Variants in TUBGCP2 observed in about 807,000 individuals in gnomAD.
TUBGCP2 encodes the protein tubulin gamma complex component 2.
TUBGCP2 carries 55 observed loss-of-function variants against 92.2 expected under a neutral mutation model. The ratio of observed to expected loss-of-function variants is 0.60; its 90% CI spans 0.48 to 0.75. TUBGCP2 has a LOEUF of 0.75. TUBGCP2 is among the 30% of genes least tolerant of loss of function. TUBGCP2 has a pLI of 0.00. For synonymous variants in TUBGCP2, 533 were observed against 505.2 expected, an observed-to-expected ratio of 1.06 and a Z score of -0.74; for missense variants, 1,093 against 1,188.9, an observed-to-expected ratio of 0.92 and a Z score of 1.19.
chr10:133,304,165 T>C (rs1201478695), intron 1 of TUBGCP2, among the ~76,000 whole-genome samples: 2 of 152,216 alleles, frequency 1.3e-5, no homozygotes, highest in Non-Finnish European at 2.9e-5. Flanking sequence ...ACTCTGTCTC[T>C]ACAAAAAATA....
chr10:133,298,911 C>T (rs1214921311), intron 4 of TUBGCP2, among the ~76,000 whole-genome samples: 2 of 152,222 alleles, frequency 1.3e-5, no homozygotes, highest in Non-Finnish European at 1.5e-5. Context: ...TTAAAGGTCA[C>T]AAAGGCAGGA....
chr10:133,300,025 G>T lies in TUBGCP2; in HGVS notation c.239C>A (p.Pro80Gln). 6.2e-7 allele frequency: 1 copy of T among 1,614,098 alleles called. No individual in the cohort carries two copies. Among genetic ancestry groups the T allele is most frequent in the Admixed American group, 1.7e-5 (1 of 60,010 alleles). Residue 80 changes from proline to glutamine, a missense_variant, in exon 3 of 18, where the codon CCG becomes CAG. Physicochemically the swap from Pro to Gln is moderately conservative, Grantham distance 76. This residue lies in a region of TUBGCP2 where 490 missense variants were observed against 488.5 expected (regional missense o/e 1.00). Coordinates refer to ENST00000252936, the MANE Select transcript of TUBGCP2 (RefSeq NM_006659.4). Reference protein sequence around the residue: ...LKSKNTRNLDPLVYLLSKLTE... With the variant: ...LKSKNTRNLDQLVYLLSKLTE... Reference sequence around the variant, plus strand: ...GAGCTTTGACAACAGGTACACCAGCGGGTCAAGGTTCCTTGTATTTTTAGA... The same window carrying T: ...GAGCTTTGACAACAGGTACACCAGCTGGTCAAGGTTCCTTGTATTTTTAGA...
intron 2 of TUBGCP2, chr10:133,302,412 G>C (rs1201598573): frequency 1.4e-5 from 4 of 280,786 alleles, no homozygotes; most frequent in African/African-American, 6.9e-5. Flanking sequence ...TGCACCAGAG[G>C]TGGCGCTCAC....
intron 5 of TUBGCP2, 97 bp downstream of exon 5, chr10:133,297,855 G>T: frequency 6.5e-7 from 1 of 1,543,296 alleles, no homozygotes; most frequent in Non-Finnish European, 8.8e-7. Flanking sequence ...CCTGCCCAGA[G>T]GCCAGAAATA....
In TUBGCP2 at chr10:133,307,791, C is replaced by T. The variant is rs140968346; in HGVS notation, c.-40+1032G>A. 4.7e-3 allele frequency among the ~76,000 whole-genome samples: 713 copies of T among 152,262 alleles called. 3 individuals are homozygous for T. Among genetic ancestry groups the T allele is most frequent in the African/African-American group, 0.017 (689 of 41,546 alleles). ...TATGGTTACATGATTTCCTTCTGTG[C>T]GATCATCAGAGTCACTCGCAGACCT... On this transcript the variant is annotated intron_variant, in intron 1 of 17. Transcript: ENST00000252936.
intron 13 of TUBGCP2, 149 bp downstream of exon 13, chr10:133,284,936 C>T: frequency 8.2e-7 from 1 of 1,225,458 alleles, no homozygotes; most frequent in Non-Finnish European, 1.1e-6. Flanking sequence ...CATTATGGAT[C>T]TAAAGCCACC....
upstream of TUBGCP2, among the ~76,000 whole-genome samples, chr10:133,311,202 T>C (rs1036458250): frequency 1.3e-5 from 2 of 152,244 alleles, no homozygotes; most frequent in Non-Finnish European, 2.9e-5. Flanking sequence ...TTTCAGACTC[T>C]ACATTTTCTC....
chr10:133,285,280 G>C lies in TUBGCP2; in HGVS notation c.1896-67C>G. On this transcript the variant is annotated intron_variant, in intron 12 of 17. Coordinates refer to ENST00000252936, the MANE Select transcript of TUBGCP2 (RefSeq NM_006659.4). The surrounding 1 kb of genome is among the most constrained non-coding windows in gnomAD (Gnocchi z 6.8). Reference sequence around the variant, plus strand: ...CGGCGGCGTCGTGGACACGGCGTCTGTACTCCACAGTCCGCACCGTGGCCC... The same window carrying C: ...CGGCGGCGTCGTGGACACGGCGTCTCTACTCCACAGTCCGCACCGTGGCCC... The C allele has an allele frequency of 6.2e-7, 1 of 1,603,466 alleles. No individual in the cohort carries two copies. Among genetic ancestry groups the C allele is most frequent in the African/African-American group, 1.3e-5 (1 of 75,008 alleles).
At chr10:133,298,158 C>T (rs781732647) in intron 4 of TUBGCP2, 47 bp from the exon 5 acceptor site, 30 of 1,586,440 alleles carry the variant, frequency 1.9e-5, no homozygotes, top group Non-Finnish European at 2.4e-5. Context: ...TACACTTTAG[C>T]GCAAACACTC....
chr10:133,288,567 A>G (rs1333662298), intron 10 of TUBGCP2, among the ~76,000 whole-genome samples: 1 of 152,240 alleles, frequency 6.6e-6, no homozygotes, highest in Non-Finnish European at 1.5e-5. Flanking sequence ...GGGGCTGTGC[A>G]ACCACCACGC....
upstream of TUBGCP2, chr10:133,310,633 A>C: frequency 1.6e-5 from 5 of 310,890 alleles, no homozygotes; most frequent in East Asian, 8.0e-5. Flanking sequence ...CCGCACTCAC[A>C]CCCCTCGGGG....
At position 133,280,044 on chromosome 10, in the gene TUBGCP2, T is replaced by G. The variant is rs1188074697; in HGVS notation, c.2574-143A>C. On this transcript the variant is annotated intron_variant, in intron 17 of 17. Transcript: ENST00000252936. ...GGGCAGCAGGGGTGAGGAAGGACAG[T>G]GGAGCTGGGGCACACACTCCTTCTG... The G allele has an allele frequency of 7.4e-6, 10 of 1,347,372 alleles. No individual in the cohort carries two copies. The Admixed American group carries it at 1.3e-4, about 18-fold the overall frequency. The allele number at this position is 1,347,372 out of a possible 1,614,324, so 83.5% of individuals were successfully genotyped here. A position where few individuals can be genotyped will look rare whatever the true frequency, so the allele number is the denominator to read the frequency against.
chr10:133,309,058 C>G, upstream of TUBGCP2: 4 of 1,285,614 alleles, frequency 3.1e-6, no homozygotes, highest in Non-Finnish European at 4.0e-6. Flanking sequence ...CTTCGTTGCG[C>G]GCCCCGTGCG....
chr10:133,299,109 G>C (rs1236326042), intron 4 of TUBGCP2, among the ~76,000 whole-genome samples: 1 of 152,168 alleles, frequency 6.6e-6, no homozygotes, highest in East Asian at 1.9e-4. Flanking sequence ...TTGGAGGAGG[G>C]AAATGGGGAG....
Position 133,281,286 on chromosome 10 carries a change from T to A in TUBGCP2, c.2560A>T (p.Ser854Cys). The A allele has an allele frequency of 1.9e-6, 3 of 1,611,538 alleles. No individual in the cohort carries two copies. The highest frequency in any genetic ancestry group is 1.3e-5 in the African/African-American group (1 of 74,986). ...GCGCCCACCCACCTGGAGATGACGC[T>A]GGCCATGCCGTGCTCACAGTCACTG... ...STSDCEHGMA[S>C]VISRLDFNGF... The change falls in exon 17 of 18, where the codon AGC (serine) becomes TGC (cysteine). Residue 854 changes from serine to cysteine, a missense_variant. Transcript: ENST00000252936.
At chr10:133,293,893 C>T (rs1847426022) in intron 5 of TUBGCP2, 124 bp from the exon 6 acceptor site, 7 of 1,006,382 alleles carry the variant, frequency 7.0e-6, no homozygotes, top group Non-Finnish European at 1.0e-5. Context: ...AAAGGTCAGC[C>T]ACTGCACTTG....
chr10:133,292,642 G>A lies in TUBGCP2; in HGVS notation c.1071C>T (p.Ser357=). The change falls in exon 8 of 18, where the codon AGC becomes AGT. Residue 357 remains serine, a synonymous_variant. Coordinates refer to ENST00000252936, the MANE Select transcript of TUBGCP2 (RefSeq NM_006659.4). ...KGECLGGSTL[S]LLHDRSFSYT... Reference sequence around the variant, plus strand: ...AGCTGAAGCTCCTGTCGTGGAGCAGGCTCAGCGTGGACCCCCCAAGACATT... The same window carrying A: ...AGCTGAAGCTCCTGTCGTGGAGCAGACTCAGCGTGGACCCCCCAAGACATT... 1.2e-6 allele frequency: 2 copies of A among 1,614,098 alleles called. No homozygotes were observed. Among genetic ancestry groups the A allele is most frequent in the South Asian group, 2.2e-5 (2 of 91,072 alleles).
At chr10:133,297,263 G>C (rs570814617) in intron 5 of TUBGCP2, 17 of 328,248 alleles carry the variant, frequency 5.2e-5, no homozygotes, top group Non-Finnish European at 7.6e-5. Flanking sequence ...TTAGCCAGGC[G>C]TGGTGGCGCC....
rs1846968270 is a variant in TUBGCP2 at position 133,281,278 on chromosome 10, G to A, written c.2568C>T (p.Ile856=). Residue 856 remains isoleucine, a synonymous_variant, in exon 17 of 18, where the codon ATC becomes ATT. Coordinates refer to ENST00000252936, the MANE Select transcript of TUBGCP2 (RefSeq NM_006659.4). ...SDCEHGMASV[I]SRLDFNGFYT... The stretch of plus-strand genomic sequence containing the variant: ...CCGGGGTGGCGCCCACCCACCTGGA[G>A]ATGACGCTGGCCATGCCGTGCTCAC... 5 of 1,610,862 alleles carry A rather than the reference G, an allele frequency of 3.1e-6. No homozygotes were observed. The highest frequency in any genetic ancestry group is 4.2e-6 in the Non-Finnish European group (5 of 1,179,812).
Sources: allele counts gnomAD v4.1 joint callset (sites outside exome capture counted in the v4.1 genomes callset), GRCh38; gene constraint gnomAD v4.1.1; regional missense constraint gnomAD v4.1.1; non-coding constraint Gnocchi (gnomAD v3.1); transcripts MANE v1.5; gene names NCBI Gene and HGNC (gene_info 2026-07-23, HGNC 2026-07-21).